Variants in RHOBTB2 observed in about 807,000 individuals in gnomAD.
RHOBTB2 encodes the protein Rho related BTB domain containing 2, also known as rho-related BTB domain-containing protein 2.
Under a neutral mutation model 66.5 loss-of-function variants are expected in RHOBTB2, and 39 were observed. The ratio of observed to expected loss-of-function variants is 0.59; its 90% CI spans 0.45 to 0.77. RHOBTB2 has a LOEUF of 0.77. Among genes scored for constraint, RHOBTB2 ranks in the 30% least tolerant of loss-of-function variants. The pLI is 0.00. For missense variants in RHOBTB2, 755 were observed against 999.1 expected (o/e 0.76, Z 3.29); for synonymous variants, 390 against 395.0 (o/e 0.99, Z 0.15).
chr8:23,003,340 G>C (rs1249113406), intron 1 of RHOBTB2, among the ~76,000 whole-genome samples: 1 of 152,246 alleles, frequency 6.6e-6, no homozygotes, highest in African/African-American at 2.4e-5. Flanking sequence ...CTCTCTGGGG[G>C]TGGACAAGCC....
intron 7 of RHOBTB2, among the ~76,000 whole-genome samples, chr8:23,013,686 G>C (rs1811211726): frequency 6.6e-6 from 1 of 151,944 alleles, no homozygotes; most frequent in African/African-American, 2.4e-5. Context: ...AGTAGAGACA[G>C]GGTTTCACCA....
upstream of RHOBTB2, among the ~76,000 whole-genome samples, chr8:22,998,627 G>A (rs1327199687): frequency 2.0e-5 from 3 of 151,320 alleles, no homozygotes; most frequent in Admixed American, 6.6e-5. Context: ...CCAGCTACTC[G>A]GGAGGCTGAG....
intron 8 of RHOBTB2, among the ~76,000 whole-genome samples, 181 bp from the exon 9 acceptor site, chr8:23,015,457 C>A (rs537789056): frequency 2.6e-4 from 39 of 152,068 alleles, no homozygotes; most frequent in African/African-American, 9.2e-4. Context: ...TGCCAAGGAG[C>A]CTGAGGCAGC....
chr8:22,996,758 C>T (rs1044279710), upstream of RHOBTB2, among the ~76,000 whole-genome samples: 4 of 151,948 alleles, frequency 2.6e-5, no homozygotes, highest in South Asian at 2.1e-4. Context: ...TGCTGCCTGC[C>T]GGGTGCTAAC....
intron 6 of RHOBTB2, among the ~76,000 whole-genome samples, chr8:23,009,179 A>AGAGAGG (rs1811061257): frequency 7.3e-6 from 1 of 137,062 alleles, no homozygotes. Flanking sequence ...AAAGAGAGAG[A>AGAGAGG]GAGAGAAAAG....
At chr8:22,955,338 A>G in the RHOBTB2 span, among the ~76,000 whole-genome samples, 2 of 152,130 alleles carry the variant, frequency 1.3e-5, no homozygotes, top group Non-Finnish European at 2.9e-5. Context: ...TCGGAAGAGC[A>G]CTTGCATCCC....
the RHOBTB2 span, among the ~76,000 whole-genome samples, chr8:22,978,485 CA>C: frequency 1.6e-3 from 100 of 62,736 alleles, no homozygotes; most frequent in East Asian, 0.01. Flanking sequence ...AGATCTGTCT[CA>C]AAAAAAAAAA....
intron 8 of RHOBTB2, among the ~76,000 whole-genome samples, chr8:23,015,229 C>T (rs1025180497): frequency 3.3e-5 from 5 of 152,198 alleles, no homozygotes; most frequent in African/African-American, 1.2e-4. Flanking sequence ...TCAGGCAGGG[C>T]TTGCAGACAC....
At chr8:22,967,446 T>C in the RHOBTB2 span, among the ~76,000 whole-genome samples, 1 of 151,412 alleles carries the variant, frequency 6.6e-6, no homozygotes, top group African/African-American at 2.4e-5. Context: ...CCGTCTCTAC[T>C]AAAAATACAG....
the RHOBTB2 span, among the ~76,000 whole-genome samples, chr8:22,969,187 TC>T: frequency 2.0e-5 from 3 of 152,138 alleles, no homozygotes; most frequent in East Asian, 5.8e-4. Context: ...AAAAGGGGTT[TC>T]CCCTTATAAA....
Position 22,999,638 on chromosome 8 carries a change from TC to T in RHOBTB2, c.-476del. ...TTTTCTTTTCTTTTTTTTTTCCCTA[TC>T]CTTTTTTTGTGAATGAAAAAAGGAG... On this transcript the variant is annotated 5_prime_UTR_variant, in exon 1 of 10. Coordinates refer to ENST00000251822, the MANE Select transcript of RHOBTB2 (RefSeq NM_015178.3). 3 of 1,243,696 alleles carry T rather than the reference TC, an allele frequency of 2.4e-6. No homozygotes were observed. Among genetic ancestry groups the T allele is most frequent in the Non-Finnish European group, 3.1e-6 (3 of 970,788 alleles). The allele number at this position is 1,243,696 out of a possible 1,614,324, so 77.0% of individuals were successfully genotyped here. A position where few individuals can be genotyped will look rare whatever the true frequency, so the allele number is the denominator to read the frequency against.
chr8:22,960,407 C>T, the RHOBTB2 span, among the ~76,000 whole-genome samples: 3 of 151,464 alleles, frequency 2.0e-5, no homozygotes, highest in East Asian at 6.0e-4. Context: ...CAACCTCCAC[C>T]TCCTGGGTTC....
chr8:23,007,512 C>T lies in RHOBTB2; in HGVS notation c.1267C>T (p.Pro423Ser). ...VVVKMDSSIQ[P>S]GPFRAVLKYL... ...GGTGAAGATGGACAGTTCCATCCAG[C>T]CGGGGCCCTTCCGGGCTGTCCTCAA... Residue 423 changes from proline to serine, a missense_variant, in exon 5 of 10, where the codon CCG (proline) becomes TCG (serine). By Grantham distance (74) the Pro-to-Ser change is moderately conservative. Around this residue, in one of 7 missense-constraint regions of RHOBTB2, gnomAD observed 353 missense variants for 458.2 expected, o/e 0.77. Transcript: ENST00000251822. 6.2e-7 allele frequency: 1 copy of T among 1,614,106 alleles called. No homozygotes were observed. Among genetic ancestry groups the T allele is most frequent in the South Asian group, 1.1e-5 (1 of 91,076 alleles).
chr8:22,974,674 G>A, the RHOBTB2 span, among the ~76,000 whole-genome samples: 2 of 152,212 alleles, frequency 1.3e-5, no homozygotes, highest in African/African-American at 2.4e-5. Flanking sequence ...GCAGTTTGTA[G>A]AGAGTTTAAT....
chr8:22,959,024 T>C, the RHOBTB2 span, among the ~76,000 whole-genome samples: 1 of 152,146 alleles, frequency 6.6e-6, no homozygotes, highest in Admixed American at 6.5e-5. Context: ...AGTTTTTGTA[T>C]GAAGATGATT....
At chr8:22,978,331 C>T in the RHOBTB2 span, among the ~76,000 whole-genome samples, 21 of 151,502 alleles carry the variant, frequency 1.4e-4, no homozygotes, top group South Asian at 8.3e-4. Flanking sequence ...ACTAAAAATA[C>T]AAAAAATTAG....
At chr8:22,990,331 C>A (rs1264739822) in intron 1 of RHOBTB2, among the ~76,000 whole-genome samples, 6 of 152,136 alleles carry the variant, frequency 3.9e-5, no homozygotes, top group Non-Finnish European at 8.8e-5. Context: ...GCTGGTGCAC[C>A]CGTGCCACCT....
At position 23,005,366 on chromosome 8, in the gene RHOBTB2, C is replaced by T. The variant is rs1267407736; in HGVS notation, c.193-6C>T. ...TTCGAGTCCCACTCTTCCTCCCCGT[C>T]CCCAGGTGCTGGAACGCTCCCGAGA... On this transcript the variant is annotated splice_polypyrimidine_tract_variant and splice_region_variant and intron_variant, in intron 2 of 9. Transcript: ENST00000251822. 1 of 1,609,132 alleles carries T rather than the reference C, an allele frequency of 6.2e-7. No individual in the cohort carries two copies. The highest frequency in any genetic ancestry group is 1.7e-5 in the Admixed American group (1 of 59,992).
chr8:22,990,774 C>T (rs567737369), intron 1 of RHOBTB2, among the ~76,000 whole-genome samples: 1 of 152,168 alleles, frequency 6.6e-6, no homozygotes, highest in East Asian at 1.9e-4. Flanking sequence ...AGCCTGTGGC[C>T]CCCGCCGCTC....
Sources: allele counts gnomAD v4.1 joint callset (sites outside exome capture counted in the v4.1 genomes callset), GRCh38; gene constraint gnomAD v4.1.1; regional missense constraint gnomAD v4.1.1; transcripts MANE v1.5; gene names NCBI Gene and HGNC (gene_info 2026-07-23, HGNC 2026-07-21).